The following WWC2 variants were observed in gnomAD, a reference collection of about 807,000 sequenced individuals.
The protein encoded by WWC2 is WW and C2 domain containing 2, also known as protein WWC2.
WWC2 carries 101 observed loss-of-function variants against 138.5 expected under a neutral mutation model. The observed-to-expected ratio is 0.73, with a 90% CI of 0.62 to 0.86. The LOEUF (loss-of-function observed/expected upper bound fraction) is 0.86, where lower values mean the gene tolerates loss of function less well. Among genes scored for constraint, WWC2 ranks in the 40% least tolerant of loss-of-function variants. The pLI is 0.00. For missense variants in WWC2, 1,420 were observed against 1,419.4 expected (o/e 1.00, Z -0.01); for synonymous variants, 558 against 538.4 (o/e 1.04, Z -0.50).
Position 183,209,019 on chromosome 4 carries a change from A to T in WWC2, c.516A>T (p.Arg172Ser), listed in dbSNP as rs750132360. The T allele has an allele frequency of 1.9e-6, 3 of 1,565,454 alleles. No homozygotes were observed. The highest frequency in any genetic ancestry group is 2.6e-6 in the Non-Finnish European group (3 of 1,151,746). Residue 172 changes from arginine (R) to serine (S), a missense_variant, in exon 4 of 23, where the codon AGA becomes AGT. By Grantham distance (110) the Arg-to-Ser change is moderately radical. Transcript: ENST00000403733. ...TAAAAGCTGAGATCTCCACTACAAGATTAAGGGTAAGAAGTTTTAAATTGT... is the reference window on the plus strand; with the variant it reads ...TAAAAGCTGAGATCTCCACTACAAGTTTAAGGGTAAGAAGTTTTAAATTGT... ...DILKAEISTT[R>S]LRVKKLKREL...
intron 4 of WWC2, among the ~76,000 whole-genome samples, chr4:183,217,915 G>A (rs1339123663): frequency 6.6e-6 from 1 of 151,312 alleles, no homozygotes; most frequent in Non-Finnish European, 1.5e-5. Flanking sequence ...ACAAACCCAA[G>A]GCAGAATGAA....
intron 21 of WWC2, among the ~76,000 whole-genome samples, chr4:183,301,865 AT>A (rs1232154129): frequency 1.3e-5 from 2 of 152,124 alleles, no homozygotes; most frequent in African/African-American, 2.4e-5. Flanking sequence ...CCTTCCAGCT[AT>A]TTTTTTATGC....
In WWC2 at chr4:183,282,859, T is replaced by C; in HGVS notation, c.2836T>C (p.Cys946Arg). 6.3e-7 allele frequency: 1 copy of C among 1,592,282 alleles called. No individual in the cohort carries two copies. Among genetic ancestry groups the C allele is most frequent in the Non-Finnish European group, 8.6e-7 (1 of 1,168,928 alleles). ...AGACGGGAACAGGAAAGAAAGCAAC[T>C]GTGCCAAAGACCTCAGAAGTCAGCC... ...NEDGNRKESN[C>R]AKDLRSQPPT... is the part of the protein sequence containing the mutation. Residue 946 changes from cysteine (C) to arginine (R), a missense_variant, in exon 18 of 23, where the codon TGT (cysteine) becomes CGT (arginine). By Grantham distance (180) the Cys-to-Arg change is radical (BLOSUM62 -3). Transcript: ENST00000403733.
intron 4 of WWC2, among the ~76,000 whole-genome samples, chr4:183,212,312 C>T (rs994642891): frequency 3.4e-4 from 52 of 152,238 alleles, no homozygotes; most frequent in African/African-American, 1.2e-3. Context: ...CATTCTATGT[C>T]ACTGTACAAT....
intron 1 of WWC2, among the ~76,000 whole-genome samples, chr4:183,192,959 C>T (rs1451688365): frequency 6.6e-6 from 1 of 152,028 alleles, no homozygotes; most frequent in Non-Finnish European, 1.5e-5. Flanking sequence ...GAGAAAGCGT[C>T]TTAAAGAAAA....
chr4:183,129,870 C>G (rs889232181), intron 1 of WWC2, among the ~76,000 whole-genome samples: 2 of 152,158 alleles, frequency 1.3e-5, no homozygotes, highest in Admixed American at 1.3e-4. Context: ...ATCACTTACA[C>G]CAGCTGCACA....
intron 4 of WWC2, among the ~76,000 whole-genome samples, chr4:183,219,389 G>C (rs574189781): frequency 1.3e-5 from 2 of 152,228 alleles, no homozygotes; most frequent in South Asian, 4.1e-4. Flanking sequence ...TGCCTGCAGA[G>C]CTGTAACATA....
intron 6 of WWC2, among the ~76,000 whole-genome samples, 152 bp from the exon 7 acceptor site, chr4:183,248,561 TA>T (rs991083993): frequency 1.3e-5 from 2 of 152,266 alleles, no homozygotes; most frequent in African/African-American, 2.4e-5. Context: ...ATCCTGCTGT[TA>T]TTTTTTCAAT....
chr4:183,265,662 T>G (rs778745609), intron 12 of WWC2, 26 bp from the exon 13 acceptor site: 1 of 1,590,056 alleles, frequency 6.3e-7, no homozygotes, highest in African/African-American at 1.3e-5. Flanking sequence ...ATTAATTAAC[T>G]GTTCATCTAC....
At chr4:183,105,610 G>C (rs1325251013) in intron 1 of WWC2, among the ~76,000 whole-genome samples, 1 of 152,216 alleles carries the variant, frequency 6.6e-6, no homozygotes, top group African/African-American at 2.4e-5. Flanking sequence ...TTTTGGACTT[G>C]CCGGGCGCTG....
chr4:183,292,700 AAAG>A (rs1189787707), intron 21 of WWC2, among the ~76,000 whole-genome samples: 3 of 152,208 alleles, frequency 2.0e-5, no homozygotes. Flanking sequence ...CACTTTCAAA[AAAG>A]AAATTACCTC....
chr4:183,178,308 A>G lies in WWC2; in HGVS notation c.132-15291A>G, dbSNP rs548163413. Among the ~76,000 whole-genome samples, 20 of 152,104 alleles carry G rather than the reference A, an allele frequency of 1.3e-4. 1 individual carries two copies. The South Asian group carries it at 3.1e-3, about 24-fold the overall frequency. On this transcript the variant is annotated intron_variant, in intron 1 of 22. Coordinates refer to ENST00000403733, the MANE Select transcript of WWC2 (RefSeq NM_024949.6). Reference sequence around the variant, plus strand: ...ATAATTTCAACTCTTCGGGATACCAATGTGGGAGGATCACTTGAGCCCAGG... The same window carrying G: ...ATAATTTCAACTCTTCGGGATACCAGTGTGGGAGGATCACTTGAGCCCAGG...
At position 183,273,745 on chromosome 4, in the gene WWC2, A is replaced by G. The variant is rs564151816; in HGVS notation, c.2562+2504A>G. 3.8e-4 allele frequency among the ~76,000 whole-genome samples: 58 copies of G among 152,350 alleles called. 1 individual carries two copies. Among genetic ancestry groups the G allele is most frequent in the Middle Eastern group, 3.4e-3 (1 of 294 alleles). On this transcript the variant is annotated intron_variant, in intron 16 of 22. Coordinates refer to ENST00000403733, the MANE Select transcript of WWC2 (RefSeq NM_024949.6). ...TCTTGATGGTTTTATTTACAGCACA[A>G]AAGTTTTTAATTTTCCTAAAAGTCC... is the stretch of plus-strand genomic sequence containing the variant.
intron 21 of WWC2, among the ~76,000 whole-genome samples, chr4:183,304,061 G>T (rs1438732731): frequency 6.6e-6 from 1 of 151,996 alleles, no homozygotes; most frequent in Non-Finnish European, 1.5e-5. Context: ...CTGGTTTCTG[G>T]TCCAACATAT....
Position 183,315,870 on chromosome 4 carries a change from C to G in WWC2, c.*141C>G, listed in dbSNP as rs1238858758. ...CTCTTGAAGAACTTTTATTTCACAT[C>G]AGATTTTCAACACATTAATTTGTAA... On this transcript the variant is annotated 3_prime_UTR_variant, in exon 23 of 23. Transcript: ENST00000403733. 5 of 604,792 alleles carry G rather than the reference C, an allele frequency of 8.3e-6. No homozygotes were observed. Among genetic ancestry groups the G allele is most frequent in the African/African-American group, 1.9e-5 (1 of 53,742 alleles). 37.5% of individuals were successfully genotyped at this position (604,792 alleles called of 1,614,324 possible).
At chr4:183,144,770 A>G (rs1258812526) in intron 1 of WWC2, among the ~76,000 whole-genome samples, 2 of 152,224 alleles carry the variant, frequency 1.3e-5, no homozygotes, top group Non-Finnish European at 2.9e-5. Flanking sequence ...GATGTTTATC[A>G]TATACAGAAC....
chr4:183,145,831 ATCT>A (rs775667420), intron 1 of WWC2, among the ~76,000 whole-genome samples: 1 of 152,150 alleles, frequency 6.6e-6, no homozygotes, highest in Non-Finnish European at 1.5e-5. Flanking sequence ...GTATCATGAA[ATCT>A]TCTTCTGTAA....
In WWC2 at chr4:183,269,573, A is replaced by G. The variant is rs145939995; in HGVS notation, c.2400+410A>G. On this transcript the variant is annotated intron_variant, in intron 15 of 22. Transcript: ENST00000403733. ...TTGGTTATGAAATGGATGATTATCC[A>G]CTATTTTCAGATAAGGAGCTGCTTA... The G allele has an allele frequency of 7.5e-3, 3,472 of 464,550 alleles. 76 individuals are homozygous for G. The highest frequency in any genetic ancestry group is 5.1e-3 in the Non-Finnish European group (1,143 of 223,968). The allele number at this position is 464,550 out of a possible 1,614,324, so 28.8% of individuals were successfully genotyped here.
chr4:183,311,778 C>T (rs1162823786), intron 21 of WWC2, among the ~76,000 whole-genome samples: 2 of 151,836 alleles, frequency 1.3e-5, no homozygotes, highest in Admixed American at 1.3e-4. Context: ...GGGGTTTCAC[C>T]GTGTTAGCCA....
Sources: gnomAD v4.1 joint callset for allele counts (sites outside exome capture counted in the v4.1 genomes callset) on GRCh38, gnomAD v4.1.1 for gene constraint, MANE v1.5 for transcripts, NCBI Gene and HGNC (gene_info 2026-07-23, HGNC 2026-07-21) for gene names.